SPIN2A: variants seen among roughly 807,000 people sequenced by gnomAD.
SPIN2A encodes spindlin family member 2A, also known as spindlin-2A.
SPIN2A carries 4 observed loss-of-function variants against 9.2 expected under a neutral mutation model. The observed-to-expected ratio is 0.44, with a 90% CI of 0.21 to 1.00. The LOEUF (loss-of-function observed/expected upper bound fraction) is 1.00. SPIN2A is among the 50% of genes least tolerant of loss of function. The pLI is 0.26. For synonymous variants in SPIN2A, 25 were observed against 61.2 expected (o/e 0.41, Z 2.76); for missense variants, 77 against 172.8 (o/e 0.45, Z 3.11).
the SPIN2A span, among the ~76,000 whole-genome samples, chrX:57,144,704 G>A: frequency 9.1e-6 from 1 of 109,943 alleles, no homozygotes; most frequent in African/African-American, 3.3e-5. Context: ...CCCAAAGTCC[G>A]TTGTATCATT....
the SPIN2A span, among the ~76,000 whole-genome samples, chrX:57,146,003 A>ATT: frequency 9.8e-6 from 1 of 101,897 alleles, no homozygotes; most frequent in African/African-American, 3.6e-5. Context: ...ATGCCTCCAA[A>ATT]TTTTTTTTTT....
intron 1 of SPIN2A, 57 bp downstream of exon 1, chrX:57,137,203 G>T: frequency 1.3e-6 from 1 of 759,715 alleles, no homozygotes; most frequent in South Asian, 6.5e-5. Flanking sequence ...TAATGGCCTT[G>T]CCCTGCCTGG....
chrX:57,142,160 T>C (rs1480736753), upstream of SPIN2A, among the ~76,000 whole-genome samples: 1 of 112,206 alleles, frequency 8.9e-6, no homozygotes, highest in Non-Finnish European at 1.9e-5. Flanking sequence ...GTTTGATTTG[T>C]TCTTAATTTT....
At chrX:57,139,879 T>C (rs188246171), upstream of SPIN2A, among the ~76,000 whole-genome samples, 384 of 112,229 alleles carry the variant, frequency 3.4e-3, 3 homozygotes, top group African/African-American at 0.012. Context: ...ACTGTTTATT[T>C]TCTGTTTCCA....
chrX:57,135,965 A>G lies in SPIN2A; in HGVS notation c.633T>C (p.Gly211=). 1 of 1,209,426 alleles carries G rather than the reference A, an allele frequency of 8.3e-7. No individual in the cohort carries two copies. Among genetic ancestry groups the G allele is most frequent in the Non-Finnish European group, 1.1e-6 (1 of 894,718 alleles). The change falls in exon 2 of 2, where the codon GGT becomes GGC. Residue 211 remains glycine (G), a synonymous_variant. Coordinates refer to ENST00000374906, the MANE Select transcript of SPIN2A (RefSeq NM_019003.5). The stretch of plus-strand genomic sequence containing the variant: ...CTTCTTTGGTATATTCCACATGCTT[A>G]CCTATTAGGCCATCTACAACTCCTC... The part of the protein sequence containing the change: ...EPGGVVDGLI[G]KHVEYTKEDG...
chrX:57,140,598 C>CAA (rs56693403), upstream of SPIN2A, among the ~76,000 whole-genome samples: 122 of 58,805 alleles, frequency 2.1e-3, 1 homozygote, highest in East Asian at 0.024. Flanking sequence ...GACCCCGTCT[C>CAA]AAAAAAAAAA....
upstream of SPIN2A, among the ~76,000 whole-genome samples, chrX:57,142,287 T>G (rs1473673988): frequency 8.9e-6 from 1 of 111,887 alleles, no homozygotes; most frequent in Non-Finnish European, 1.9e-5. Context: ...GTTCTGTAGG[T>G]TTTGGTATGT....
upstream of SPIN2A, chrX:57,137,478 G>T: frequency 3.2e-6 from 1 of 317,041 alleles, no homozygotes; most frequent in Non-Finnish European, 4.2e-6. Flanking sequence ...GCCACGTTGG[G>T]CTGCCACCAG....
At chrX:57,140,419 A>G (rs1378030218), upstream of SPIN2A, among the ~76,000 whole-genome samples, 1 of 96,925 alleles carries the variant, frequency 1.0e-5, no homozygotes. Flanking sequence ...ATCTCTACCA[A>G]AAAAAAAAAA....
At chrX:57,138,915 T>A (rs1236244647), upstream of SPIN2A, among the ~76,000 whole-genome samples, 1 of 112,253 alleles carries the variant, frequency 8.9e-6, no homozygotes. Context: ...GATTATTTGA[T>A]TTTTTACTAT....
chrX:57,139,519 T>C (rs2146920577), upstream of SPIN2A, among the ~76,000 whole-genome samples: 1 of 111,552 alleles, frequency 9.0e-6, no homozygotes, highest in Non-Finnish European at 1.9e-5. Flanking sequence ...AGTGGTGCAA[T>C]CTTGGCTCAC....
At chrX:57,138,794 T>C (rs1927917342), upstream of SPIN2A, among the ~76,000 whole-genome samples, 1 of 112,075 alleles carries the variant, frequency 8.9e-6, no homozygotes, top group African/African-American at 3.2e-5. Flanking sequence ...TATTTTGATA[T>C]ACAATTACCT....
At chrX:57,137,204 C>G (rs1927839974) in intron 1 of SPIN2A, 56 bp downstream of exon 1, 1 of 758,910 alleles carries the variant, frequency 1.3e-6, no homozygotes, top group South Asian at 6.5e-5. Context: ...AATGGCCTTG[C>G]CCTGCCTGGC....
downstream of SPIN2A, chrX:57,135,498 C>A: frequency 3.4e-6 from 1 of 297,163 alleles, no homozygotes; most frequent in South Asian, 4.4e-5. Context: ...CAGACCAGAC[C>A]AGCTAAATCC....
chrX:57,138,180 A>G (rs1286948857), upstream of SPIN2A, among the ~76,000 whole-genome samples: 1 of 111,946 alleles, frequency 8.9e-6, no homozygotes. Context: ...TCTATTTCGC[A>G]TAAAGTGAAG....
At chrX:57,137,580 A>G (rs1302957725), upstream of SPIN2A, 1 of 116,413 alleles carries the variant, frequency 8.6e-6, no homozygotes, top group Admixed American at 9.5e-5. Context: ...CATTCTAATC[A>G]CAGAGCAGAT....
chrX:57,139,013 C>T (rs1237919505), upstream of SPIN2A, among the ~76,000 whole-genome samples: 1 of 111,869 alleles, frequency 8.9e-6, no homozygotes. Context: ...CCTAGGTTGT[C>T]TCTTCATTTT....
downstream of SPIN2A, chrX:57,135,439 T>C: frequency 5.1e-6 from 1 of 194,835 alleles, no homozygotes; most frequent in Non-Finnish European, 9.2e-6. Flanking sequence ...AGTCACCTCC[T>C]CCTCTCTCCC....
chrX:57,135,065 A>AT (rs912118919), downstream of SPIN2A: 1 of 111,624 alleles, frequency 9.0e-6, no homozygotes, highest in African/African-American at 3.3e-5. Flanking sequence ...CATGGGCCCC[A>AT]TACCCCACAA....
Sources: gnomAD v4.1 joint callset for allele counts (sites outside exome capture counted in the v4.1 genomes callset) on GRCh38, gnomAD v4.1.1 for gene constraint, MANE v1.5 for transcripts, NCBI Gene and HGNC (gene_info 2026-07-23, HGNC 2026-07-21) for gene names.